IGSF21: variants seen among roughly 807,000 people sequenced by gnomAD.
IGSF21 encodes immunoglobulin superfamily member 21.
In IGSF21, 28 loss-of-function variants were observed where a neutral mutation model predicts 46.8. The ratio of observed to expected loss-of-function variants is 0.60; its 90% CI spans 0.44 to 0.82. The LOEUF is 0.82. IGSF21 is among the 40% of genes least tolerant of loss of function. The probability of loss-of-function intolerance (pLI) is 0.00; values close to 1 mark genes in which losing one functional copy is unlikely to be tolerated. For synonymous variants in IGSF21, 284 were observed against 273.6 expected (o/e 1.04, Z -0.38); for missense variants, 624 against 665.5 (o/e 0.94, Z 0.69).
chr1:18,108,227 G>T (rs1291810897), intron 1 of IGSF21, 29 bp downstream of exon 1: 3 of 1,339,908 alleles, frequency 2.2e-6, no homozygotes, highest in Non-Finnish European at 2.9e-6. Flanking sequence ...GGCGGGAGCC[G>T]AGCGGTGAAC....
At chr1:18,179,743 G>T (rs561749614) in intron 1 of IGSF21, among the ~76,000 whole-genome samples, 16 of 152,158 alleles carry the variant, frequency 1.1e-4, no homozygotes, top group African/African-American at 2.7e-4. Context: ...GCCACCCAAG[G>T]GATGTGAGGA....
intron 1 of IGSF21, among the ~76,000 whole-genome samples, chr1:18,149,033 T>A (rs1437811149): frequency 6.6e-6 from 1 of 152,188 alleles, no homozygotes; most frequent in African/African-American, 2.4e-5. Context: ...TCTGGCGGCA[T>A]CCCGGAGACT....
In IGSF21 at chr1:18,285,364, C is replaced by A. The variant is rs1159842090; in HGVS notation, c.184-6502C>A. ...TTGATGACTCTACTTGAAAAGCAACCTGGCCTGGCTGCAGCCTAGATTTGC... is the reference window on the plus strand; with the variant it reads ...TTGATGACTCTACTTGAAAAGCAACATGGCCTGGCTGCAGCCTAGATTTGC... On this transcript the variant is annotated intron_variant, in intron 2 of 9. Coordinates refer to ENST00000251296, the MANE Select transcript of IGSF21 (RefSeq NM_032880.5). 3.3e-5 allele frequency among the ~76,000 whole-genome samples: 5 copies of A among 152,092 alleles called. No individual in the cohort carries two copies. In the East Asian group the frequency reaches 9.7e-4, roughly 29 times the overall value.
At position 18,279,969 on chromosome 1, in the gene IGSF21, T is replaced by C. The variant is rs1377077127; in HGVS notation, c.184-11897T>C. Among the ~76,000 whole-genome samples the C allele has an allele frequency of 2.6e-5, 4 of 152,296 alleles. No individual in the cohort carries two copies. The East Asian group carries it at 5.8e-4, about 22-fold the overall frequency. Reference sequence around the variant, plus strand: ...GCAGATTGGCACAGCAAGGGCCCTCTCCGAGGACTGGCAGCCCCTTCTGAC... The same window carrying C: ...GCAGATTGGCACAGCAAGGGCCCTCCCCGAGGACTGGCAGCCCCTTCTGAC... On this transcript the variant is annotated intron_variant, in intron 2 of 9. Transcript: ENST00000251296.
intron 2 of IGSF21, among the ~76,000 whole-genome samples, chr1:18,241,491 T>C (rs1007351035): frequency 3.9e-5 from 6 of 152,152 alleles, no homozygotes; most frequent in Non-Finnish European, 7.3e-5. Flanking sequence ...AGTGGTTGAG[T>C]CAAACTTCAA....
In IGSF21 at chr1:18,290,333, G is replaced by A. The variant is rs914537311; in HGVS notation, c.184-1533G>A. 2.6e-5 allele frequency among the ~76,000 whole-genome samples: 4 copies of A among 152,180 alleles called. No individual in the cohort carries two copies. Among genetic ancestry groups the A allele is most frequent in the Admixed American group, 6.5e-5 (1 of 15,282 alleles). On this transcript the variant is annotated intron_variant, in intron 2 of 9. Coordinates refer to ENST00000251296, the MANE Select transcript of IGSF21 (RefSeq NM_032880.5). The surrounding 1 kb of genome is among the most constrained non-coding windows in gnomAD (Gnocchi z 4.2). ...CCCTCAGAGGGGAAGAAAGTGACGC[G>A]TGTACATGTCGCTAAGTCCCGACAG... is the stretch of plus-strand genomic sequence containing the variant.
rs560831720 is a variant in IGSF21, at chr1:18,180,670, T to C, written c.71-47228T>C. On this transcript the variant is annotated intron_variant, in intron 1 of 9. Transcript: ENST00000251296. ...GCACCAGAGCCTTCTAGGCTCTTTG[T>C]TGGAAACTGTGGATGTCACACTATA... Among the ~76,000 whole-genome samples, 375 of 152,350 alleles carry C rather than the reference T, an allele frequency of 2.5e-3. 1 individual carries two copies. The highest frequency in any genetic ancestry group is 3.8e-3 in the Non-Finnish European group (260 of 68,028).
intron 2 of IGSF21, among the ~76,000 whole-genome samples, chr1:18,257,190 A>G (rs775695282): frequency 6.6e-6 from 1 of 152,164 alleles, no homozygotes; most frequent in Non-Finnish European, 1.5e-5. Context: ...TTTTAAAGAA[A>G]ACACACGCTT....
intron 2 of IGSF21, among the ~76,000 whole-genome samples, chr1:18,271,603 A>G (rs1053317879): frequency 6.6e-6 from 1 of 152,150 alleles, no homozygotes; most frequent in African/African-American, 2.4e-5. Flanking sequence ...GGTTGCTGTG[A>G]TTCCTCTTGC....
chr1:18,181,331 C>A (rs895718850), intron 1 of IGSF21, among the ~76,000 whole-genome samples: 1 of 152,180 alleles, frequency 6.6e-6, no homozygotes, highest in Non-Finnish European at 1.5e-5. Context: ...ATTATGGCTG[C>A]GACATTGATG....
chr1:18,262,963 G>T (rs1455244118), intron 2 of IGSF21, among the ~76,000 whole-genome samples: 2 of 152,196 alleles, frequency 1.3e-5, no homozygotes, highest in African/African-American at 4.8e-5. Flanking sequence ...CCCCGGGGTA[G>T]CTCCCAGCCC....
At chr1:18,246,477 C>A (rs1054739639) in intron 2 of IGSF21, among the ~76,000 whole-genome samples, 1 of 152,126 alleles carries the variant, frequency 6.6e-6, no homozygotes, top group East Asian at 1.9e-4. Flanking sequence ...GAGCTTAGGA[C>A]TCCAACCTCC....
At chr1:18,272,731 G>A (rs1478805860) in intron 2 of IGSF21, among the ~76,000 whole-genome samples, 1 of 152,236 alleles carries the variant, frequency 6.6e-6, no homozygotes, top group Non-Finnish European at 1.5e-5. Flanking sequence ...GCAGTGGAGA[G>A]GGGGCCTCTC....
At chr1:18,343,592 T>G (rs2085864062) in intron 4 of IGSF21, among the ~76,000 whole-genome samples, 1 of 152,202 alleles carries the variant, frequency 6.6e-6, no homozygotes, top group African/African-American at 2.4e-5. Context: ...ACAGTTAAGT[T>G]GATGATGCAT....
intron 1 of IGSF21, among the ~76,000 whole-genome samples, chr1:18,168,252 C>G (rs925769520): frequency 3.3e-5 from 5 of 152,166 alleles, no homozygotes; most frequent in Non-Finnish European, 5.9e-5. Flanking sequence ...CCCTTAAACG[C>G]TGCCATTAAG....
chr1:18,268,320 C>G (rs1188926571), intron 2 of IGSF21, among the ~76,000 whole-genome samples: 1 of 152,246 alleles, frequency 6.6e-6, no homozygotes, highest in African/African-American at 2.4e-5. Context: ...CAGGGCAGGG[C>G]TCTTTCTGCT....
intron 1 of IGSF21, among the ~76,000 whole-genome samples, chr1:18,208,397 T>TATATATATA (rs368652183): frequency 0.17 from 15,322 of 92,222 alleles, 3,475 homozygotes; most frequent in Non-Finnish European, 0.23. Context: ...ATATATATAT[T>TATATATATA]TTTTGAGACG....
chr1:18,155,760 G>C (rs990516044), intron 1 of IGSF21, among the ~76,000 whole-genome samples: 1 of 152,212 alleles, frequency 6.6e-6, no homozygotes, highest in African/African-American at 2.4e-5. Context: ...GGCTGGAAGA[G>C]GGCAAGCCAG....
intron 3 of IGSF21, among the ~76,000 whole-genome samples, chr1:18,321,518 T>G (rs1431918488): frequency 6.6e-6 from 1 of 152,170 alleles, no homozygotes; most frequent in Non-Finnish European, 1.5e-5. Flanking sequence ...ACAATAGACA[T>G]TCATTTCTCA....
Sources: allele counts gnomAD v4.1 joint callset (sites outside exome capture counted in the v4.1 genomes callset), GRCh38; gene constraint gnomAD v4.1.1; non-coding constraint Gnocchi (gnomAD v3.1); transcripts MANE v1.5; gene names NCBI Gene and HGNC (gene_info 2026-07-23, HGNC 2026-07-21).